SLC9A9: variants seen among roughly 807,000 people sequenced by gnomAD.
SLC9A9 encodes the protein sodium/hydrogen exchanger 9.
A neutral mutation model predicts 77.8 loss-of-function variants in SLC9A9; 62 were observed. The observed-to-expected ratio is 0.80, with a 90% CI of 0.65 to 0.98. The LOEUF (loss-of-function observed/expected upper bound fraction) is 0.98, where lower values mean the gene tolerates loss of function less well. SLC9A9 is among the 50% of genes least tolerant of loss of function. The pLI is 0.00. For synonymous variants in SLC9A9, 320 were observed against 283.5 expected (o/e 1.13, Z -1.29); for missense variants, 775 against 774.9 (o/e 1.00, Z 0.00).
intron 4 of SLC9A9, among the ~76,000 whole-genome samples, chr3:143,704,762 G>A (rs1029568413): frequency 6.6e-6 from 1 of 152,098 alleles, no homozygotes; most frequent in African/African-American, 2.4e-5. Context: ...GGAGGCCAAG[G>A]TGGGCAGATC....
At chr3:143,831,493 C>T (rs1202309161) in intron 2 of SLC9A9, among the ~76,000 whole-genome samples, 1 of 152,142 alleles carries the variant, frequency 6.6e-6, no homozygotes, top group Non-Finnish European at 1.5e-5. Flanking sequence ...GTCACGATTT[C>T]TTGACACTGA....
intron 4 of SLC9A9, among the ~76,000 whole-genome samples, chr3:143,750,967 T>A (rs2006693621): frequency 6.6e-6 from 1 of 152,192 alleles, no homozygotes; most frequent in South Asian, 2.1e-4. Flanking sequence ...TTTTCTCTGT[T>A]GAAATCCAAG....
intron 4 of SLC9A9, among the ~76,000 whole-genome samples, chr3:143,716,940 A>G (rs112139125): frequency 5.6e-4 from 85 of 152,250 alleles, no homozygotes; most frequent in South Asian, 1.9e-3. Flanking sequence ...GAGACCAGGG[A>G]TGGGCAAAGG....
intron 2 of SLC9A9, among the ~76,000 whole-genome samples, chr3:143,823,614 C>G (rs530363769): frequency 1.3e-5 from 2 of 150,728 alleles, no homozygotes; most frequent in Non-Finnish European, 3.0e-5. Flanking sequence ...TTTTATGTAA[C>G]CCATAAATAT....
chr3:143,806,492 C>T (rs1045479708), intron 2 of SLC9A9, among the ~76,000 whole-genome samples: 1 of 151,964 alleles, frequency 6.6e-6, no homozygotes, highest in African/African-American at 2.4e-5. Flanking sequence ...TAGCAAATTG[C>T]TCAATATATA....
At chr3:143,621,554 C>A (rs1001090991) in intron 6 of SLC9A9, among the ~76,000 whole-genome samples, 1 of 152,300 alleles carries the variant, frequency 6.6e-6, no homozygotes, top group Non-Finnish European at 1.5e-5. Flanking sequence ...AGCTGAGGGT[C>A]CTGACTGTTA....
chr3:143,658,650 C>T (rs2038933006), intron 5 of SLC9A9, among the ~76,000 whole-genome samples: 2 of 152,134 alleles, frequency 1.3e-5, no homozygotes, highest in South Asian at 4.1e-4. Context: ...AAAACACTGA[C>T]AATCCCACCT....
At position 143,837,867 on chromosome 3, in the gene SLC9A9, C is replaced by T. The variant is rs75334007; in HGVS notation, c.176-5646G>A. ...TTCTTTTCCAGCATATTAATGGGCC[C>T]GGTTAGGACACCAGGCACTGGCATA... is the stretch of plus-strand genomic sequence containing the variant. On this transcript the variant is annotated intron_variant, in intron 1 of 15. Transcript: ENST00000316549. 6.1e-3 allele frequency among the ~76,000 whole-genome samples: 926 copies of T among 152,248 alleles called. 7 individuals are homozygous for T. The highest frequency in any genetic ancestry group is 0.021 in the African/African-American group (883 of 41,548).
chr3:143,792,006 G>T (rs1031060339), intron 4 of SLC9A9, among the ~76,000 whole-genome samples: 1 of 152,090 alleles, frequency 6.6e-6, no homozygotes, highest in African/African-American at 2.4e-5. Context: ...ATTTGACTCC[G>T]GAGCCAAACA....
At chr3:143,606,436 CTATATA>C (rs60773685) in intron 6 of SLC9A9, among the ~76,000 whole-genome samples, 564 of 54,214 alleles carry the variant, frequency 0.01, 15 homozygotes, top group South Asian at 0.019. Context: ...CTCTCTCTCT[CTATATA>C]TATATATATA....
At chr3:143,557,216 C>T (rs1044421547) in intron 8 of SLC9A9, among the ~76,000 whole-genome samples, 2 of 152,130 alleles carry the variant, frequency 1.3e-5, no homozygotes, top group Non-Finnish European at 1.5e-5. Context: ...TCTCTTGCCA[C>T]CCTGTGAAGA....
At position 143,675,089 on chromosome 3, in the gene SLC9A9, C is replaced by T. The variant is rs563350580; in HGVS notation, c.649+18103G>A. ...TCCAAGTGAGTTTTACGTTCACTCA[C>T]ATTGGAGAACCTACTAATATAGAGC... On this transcript the variant is annotated intron_variant, in intron 5 of 15. Transcript: ENST00000316549. Among the ~76,000 whole-genome samples the T allele has an allele frequency of 7.2e-5, 11 of 152,290 alleles. No homozygotes were observed. The East Asian group carries it at 2.1e-3, about 29-fold the overall frequency.
At chr3:143,434,682 T>C (rs1223736625) in intron 12 of SLC9A9, among the ~76,000 whole-genome samples, 1 of 152,126 alleles carries the variant, frequency 6.6e-6, no homozygotes, top group Non-Finnish European at 1.5e-5. Flanking sequence ...GGTCATCTTA[T>C]CTCACCTGGA....
intron 9 of SLC9A9, among the ~76,000 whole-genome samples, chr3:143,536,533 T>C (rs1057348591): frequency 4.1e-4 from 62 of 152,252 alleles, no homozygotes; most frequent in African/African-American, 1.4e-3. Context: ...ATGCTGCGAT[T>C]ACTACAATGA....
intron 4 of SLC9A9, among the ~76,000 whole-genome samples, chr3:143,781,106 A>C (rs926620025): frequency 6.6e-6 from 1 of 152,182 alleles, no homozygotes; most frequent in African/African-American, 2.4e-5. Flanking sequence ...TACAATTTAT[A>C]AGCCAATATT....
rs1429052437 is a variant in SLC9A9, at chr3:143,848,191, A to G, written c.132T>C (p.His44=). ...CAGTTTCATGCAAGAAGCGGAATCGATGATTTTTAAATAACCAGATTGTCA... is the reference window on the plus strand; with the variant it reads ...CAGTTTCATGCAAGAAGCGGAATCGGTGATTTTTAAATAACCAGATTGTCA... The part of the protein sequence containing the change: ...TILTIWLFKN[H]RFRFLHETGG... The change falls in exon 1 of 16, where the codon CAT becomes CAC. Residue 44 remains histidine (H), a synonymous_variant. Transcript: ENST00000316549. The G allele has an allele frequency of 6.2e-7, 1 of 1,614,036 alleles. No individual in the cohort carries two copies. The highest frequency in any genetic ancestry group is 1.1e-5 in the South Asian group (1 of 91,076).
At chr3:143,727,313 G>A (rs1217648122) in intron 4 of SLC9A9, among the ~76,000 whole-genome samples, 1 of 151,980 alleles carries the variant, frequency 6.6e-6, no homozygotes. Context: ...AATTTTGGCA[G>A]GATAAAGGCA....
chr3:143,444,511 T>C (rs918616121), intron 12 of SLC9A9, among the ~76,000 whole-genome samples: 1 of 152,182 alleles, frequency 6.6e-6, no homozygotes, highest in African/African-American at 2.4e-5. Context: ...AACACACACG[T>C]ACATACCTAC....
At chr3:143,697,094 A>G (rs1213610210) in intron 4 of SLC9A9, among the ~76,000 whole-genome samples, 1 of 151,882 alleles carries the variant, frequency 6.6e-6, no homozygotes, top group Non-Finnish European at 1.5e-5. Flanking sequence ...CATAATACAT[A>G]TGATGACAGA....
Sources: allele counts gnomAD v4.1 joint callset (sites outside exome capture counted in the v4.1 genomes callset), GRCh38; gene constraint gnomAD v4.1.1; transcripts MANE v1.5; gene names NCBI Gene and HGNC (gene_info 2026-07-23, HGNC 2026-07-21).